The following ABCG1 variants were observed in gnomAD, a reference collection of about 807,000 sequenced individuals.
The protein encoded by ABCG1 is ATP-binding cassette sub-family G member 1.
A neutral mutation model predicts 69.2 loss-of-function variants in ABCG1; 29 were observed. The observed-to-expected ratio is 0.42, with a 90% CI of 0.31 to 0.57. The LOEUF (loss-of-function observed/expected upper bound fraction) is 0.57, where lower values mean the gene tolerates loss of function less well. Among genes scored for constraint, ABCG1 ranks in the 20% least tolerant of loss-of-function variants. The pLI is 0.15. For synonymous variants in ABCG1, 370 were observed against 374.8 expected (o/e 0.99, Z 0.15); for missense variants, 718 against 898.1 (o/e 0.80, Z 2.56).
At chr21:42,221,943 A>G (rs1464610564) in intron 1 of ABCG1, among the ~76,000 whole-genome samples, 1 of 152,202 alleles carries the variant, frequency 6.6e-6, no homozygotes, top group Admixed American at 6.6e-5. Flanking sequence ...TTCAAACTGC[A>G]ATCACAGGCC....
intron 3 of ABCG1, among the ~76,000 whole-genome samples, chr21:42,272,390 T>C (rs2068631916): frequency 6.6e-6 from 1 of 152,144 alleles, no homozygotes; most frequent in Non-Finnish European, 1.5e-5. Flanking sequence ...GACCTGGGGA[T>C]CCAGGGGAAG....
intron 2 of ABCG1, among the ~76,000 whole-genome samples, chr21:42,248,527 C>CT (rs1430698473): frequency 6.6e-6 from 1 of 152,104 alleles, no homozygotes; most frequent in Admixed American, 6.5e-5. Context: ...CTGAATACAG[C>CT]GCTCTCAGCA....
At chr21:42,201,689 A>G (rs765126275) in exon 2 of ABCG1, 22 of 1,613,606 alleles carry the variant, frequency 1.4e-5, no homozygotes, top group Admixed American at 1.3e-4. Context: ...CTGGGAACGC[A>G]GGGGTGGACA....
At chr21:42,200,834 C>T (rs1220005299) in intron 1 of ABCG1, among the ~76,000 whole-genome samples, 1 of 152,158 alleles carries the variant, frequency 6.6e-6, no homozygotes, top group Non-Finnish European at 1.5e-5. Flanking sequence ...AGTGATCCAC[C>T]TGCCTCGACC....
upstream of ABCG1, among the ~76,000 whole-genome samples, chr21:42,213,273 G>C (rs1346590877): frequency 1.3e-5 from 2 of 152,246 alleles, no homozygotes; most frequent in Admixed American, 1.3e-4. Context: ...AGAGGTGCCT[G>C]GAGTGCCTGC....
chr21:42,266,832 C>T (rs943044641), intron 2 of ABCG1, among the ~76,000 whole-genome samples: 4 of 152,140 alleles, frequency 2.6e-5, no homozygotes, highest in Non-Finnish European at 4.4e-5. Context: ...CAAGAAGATA[C>T]GTAGCCTGCT....
chr21:42,254,947 G>C (rs921497939), intron 2 of ABCG1, among the ~76,000 whole-genome samples: 1 of 152,238 alleles, frequency 6.6e-6, no homozygotes, highest in Non-Finnish European at 1.5e-5. Context: ...GGGTCCTGCT[G>C]TGTAGTTTTC....
At chr21:42,242,880 C>T (rs2068071955) in intron 2 of ABCG1, among the ~76,000 whole-genome samples, 1 of 152,214 alleles carries the variant, frequency 6.6e-6, no homozygotes, top group East Asian at 1.9e-4. Context: ...TGGGCTGCAC[C>T]CCCGGGGGTC....
At chr21:42,280,558 ATTGT>A (rs932250488) in intron 5 of ABCG1, among the ~76,000 whole-genome samples, 6 of 152,168 alleles carry the variant, frequency 3.9e-5, no homozygotes, top group Non-Finnish European at 7.4e-5. Flanking sequence ...AACTGAGATC[ATTGT>A]TTGTTCTTTC....
upstream of ABCG1, among the ~76,000 whole-genome samples, chr21:42,218,937 G>A (rs2067674041): frequency 6.6e-6 from 1 of 152,182 alleles, no homozygotes; most frequent in Non-Finnish European, 1.5e-5. Context: ...CGGGGTGGCA[G>A]GGGGTTCCCA....
intron 3 of ABCG1, 39 bp downstream of exon 3, chr21:42,271,226 GT>G (rs1359281294): frequency 7.3e-7 from 1 of 1,368,492 alleles, no homozygotes; most frequent in African/African-American, 1.5e-5. Flanking sequence ...TCTCTCCCGG[GT>G]GTCAGGCCAG....
Position 42,291,370 on chromosome 21 carries a change from G to A in ABCG1, c.1495-128G>A. The A allele has an allele frequency of 7.5e-7, 1 of 1,340,888 alleles. No individual in the cohort carries two copies. Among genetic ancestry groups the A allele is most frequent in the Non-Finnish European group, 1.0e-6 (1 of 971,794 alleles). 83.1% of individuals were successfully genotyped at this position (1,340,888 alleles called of 1,614,324 possible). The stretch of plus-strand genomic sequence containing the variant: ...AGCTGTGGCGGGAGCTGTGGGGAGT[G>A]GGGAAGGACCCGACTTTGGGAGCTC... On this transcript the variant is annotated intron_variant, in intron 12 of 14. Transcript: ENST00000398449. The surrounding 1 kb of genome is among the most constrained non-coding windows in gnomAD (Gnocchi z 6.4).
At chr21:42,218,434 T>TATGGCCGGGTTCTGAAAAC (rs1555947304), upstream of ABCG1, among the ~76,000 whole-genome samples, 1 of 151,968 alleles carries the variant, frequency 6.6e-6, no homozygotes, top group African/African-American at 2.4e-5. Flanking sequence ...TCCATGAACA[T>TATGGCCGGGTTCTGAAAAC]GGCTCTGGAA....
chr21:42,223,471 A>C (rs1045953841), intron 1 of ABCG1, among the ~76,000 whole-genome samples: 2 of 151,872 alleles, frequency 1.3e-5, no homozygotes, highest in African/African-American at 4.8e-5. Flanking sequence ...ATAGGCACAC[A>C]TGGGGAAAAG....
chr21:42,287,078 G>T lies in ABCG1; in HGVS notation c.974-811G>T, dbSNP rs572935204. Among the ~76,000 whole-genome samples, 12 of 152,356 alleles carry T rather than the reference G, an allele frequency of 7.9e-5. No homozygotes were observed. The highest frequency in any genetic ancestry group is 5.9e-5 in the Non-Finnish European group (4 of 68,034). ...AGGGAAGTGCGGAAAAGGTAAGGGTGTTGGGGAGCTTTGGGCCTTAGCAAG... is the reference window on the plus strand; with the variant it reads ...AGGGAAGTGCGGAAAAGGTAAGGGTTTTGGGGAGCTTTGGGCCTTAGCAAG... On this transcript the variant is annotated intron_variant, in intron 8 of 14. Coordinates refer to ENST00000398449, the MANE Select transcript of ABCG1 (RefSeq NM_016818.3). This position sits in a 1 kb window ranked among gnomAD's most constrained non-coding sequence, Gnocchi z 6.2.
chr21:42,255,280 A>G (rs2068284260), intron 2 of ABCG1, among the ~76,000 whole-genome samples: 1 of 152,074 alleles, frequency 6.6e-6, no homozygotes, highest in Admixed American at 6.5e-5. Context: ...GGATGTATGT[A>G]CATGGTGTGT....
In ABCG1 at chr21:42,291,377, G is replaced by A; in HGVS notation, c.1495-121G>A. 1 of 1,394,118 alleles carries A rather than the reference G, an allele frequency of 7.2e-7. No individual in the cohort carries two copies. Among genetic ancestry groups the A allele is most frequent in the South Asian group, 1.3e-5 (1 of 76,178 alleles). The allele number at this position is 1,394,118 out of a possible 1,614,324, so 86.4% of individuals were successfully genotyped here. ...GCGGGAGCTGTGGGGAGTGGGGAAG[G>A]ACCCGACTTTGGGAGCTCTGGCGGG... On this transcript the variant is annotated intron_variant, in intron 12 of 14. Transcript: ENST00000398449. The surrounding 1 kb of genome is among the most constrained non-coding windows in gnomAD (Gnocchi z 6.4).
rs2067766082 is a variant in ABCG1 at position 42,223,583 on chromosome 21, C to T, written c.43-2088C>T. 3.9e-5 allele frequency among the ~76,000 whole-genome samples: 6 copies of T among 152,112 alleles called. No individual in the cohort carries two copies. In the South Asian group the frequency reaches 1.2e-3, roughly 32 times the overall value. ...AACAATCTGGAGGCACTTATGCTTT[C>T]CTCCTGGCTCTTGCCTTAACCTATT... On this transcript the variant is annotated intron_variant, in intron 1 of 14. Transcript: ENST00000398449.
At chr21:42,253,746 G>A (rs1342654123) in intron 2 of ABCG1, among the ~76,000 whole-genome samples, 1 of 152,138 alleles carries the variant, frequency 6.6e-6, no homozygotes, top group Non-Finnish European at 1.5e-5. Context: ...CTGTAGGACT[G>A]GGGGTGAGAT....
Sources: allele counts gnomAD v4.1 joint callset (sites outside exome capture counted in the v4.1 genomes callset), GRCh38; gene constraint gnomAD v4.1.1; non-coding constraint Gnocchi (gnomAD v3.1); transcripts MANE v1.5; gene names NCBI Gene and HGNC (gene_info 2026-07-23, HGNC 2026-07-21).